The following PRKCZ variants were observed in gnomAD, a reference collection of about 807,000 sequenced individuals.
The protein encoded by PRKCZ is protein kinase C zeta type.
A neutral mutation model predicts 79.5 loss-of-function variants in PRKCZ; 33 were observed. The ratio of observed to expected loss-of-function variants is 0.41; its 90% confidence interval spans 0.31 to 0.55. PRKCZ has a LOEUF of 0.55. PRKCZ is among the 20% of genes least tolerant of loss of function. PRKCZ has a pLI of 0.19. For synonymous variants in PRKCZ, 342 were observed against 320.9 expected (o/e 1.07, Z -0.70); for missense variants, 578 against 813.5 (o/e 0.71, Z 3.52).
chr1:2,054,260 C>T lies in PRKCZ; in HGVS notation c.72-1181C>T, dbSNP rs898319382. 3.3e-5 allele frequency among the ~76,000 whole-genome samples: 5 copies of T among 152,278 alleles called. No individual in the cohort carries two copies. The South Asian group carries it at 8.3e-4, about 25-fold the overall frequency. On this transcript the variant is annotated intron_variant, in intron 1 of 17. Transcript: ENST00000378567. ...TCTTTTTATAGGCCCTGTGCTCTTG[C>T]CCCGCGCTCTTGTGGGTGTCAGAAA...
intron 4 of PRKCZ, among the ~76,000 whole-genome samples, chr1:2,117,930 T>G (rs1671054780): frequency 6.6e-6 from 1 of 152,032 alleles, no homozygotes. Flanking sequence ...TTTTGCTTGA[T>G]TCAGTTTGCT....
In PRKCZ at chr1:2,090,120, T is replaced by C. The variant is rs376839987; in HGVS notation, c.334+30529T>C. Among the ~76,000 whole-genome samples, 29 of 152,310 alleles carry C rather than the reference T, an allele frequency of 1.9e-4. 3 individuals carry two copies. The East Asian group carries it at 5.6e-3, about 29-fold the overall frequency. On this transcript the variant is annotated intron_variant, in intron 4 of 17. Transcript: ENST00000378567. ...GCAGTTGTTTTGGATCTAAGTCTGCTGTAATGACCTCACTCACTTAACTGA... is the reference window on the plus strand; with the variant it reads ...GCAGTTGTTTTGGATCTAAGTCTGCCGTAATGACCTCACTCACTTAACTGA...
Position 2,169,297 on chromosome 1 carries a change from C to T in PRKCZ, c.975-221C>T, listed in dbSNP as rs565410961. 153 of 591,180 alleles carry T rather than the reference C, an allele frequency of 2.6e-4. 2 individuals carry two copies. The highest frequency in any genetic ancestry group is 2.1e-3 in the South Asian group (138 of 65,674). The allele number at this position is 591,180 out of a possible 1,614,324, so 36.6% of individuals were successfully genotyped here. A position where few individuals can be genotyped will look rare whatever the true frequency, so the allele number is the denominator to read the frequency against. ...GGCCAAGAGTGAAGGCCGGCGAGGC[C>T]CCCGCATGACTCCCTCACCTGCACC... On this transcript the variant is annotated intron_variant, in intron 10 of 17. Transcript: ENST00000378567.
rs1010204459 is a variant in PRKCZ at position 2,174,962 on chromosome 1, G to A, written c.1485+129G>A. 11 of 992,772 alleles carry A rather than the reference G, an allele frequency of 1.1e-5. No homozygotes were observed. Among genetic ancestry groups the A allele is most frequent in the African/African-American group, 3.2e-5 (2 of 61,914 alleles). 61.5% of individuals were successfully genotyped at this position (992,772 alleles called of 1,614,324 possible). On this transcript the variant is annotated intron_variant, in intron 15 of 17. Coordinates refer to ENST00000378567, the MANE Select transcript of PRKCZ (RefSeq NM_002744.6). This position sits in a 1 kb window ranked among gnomAD's most constrained non-coding sequence, Gnocchi z 6.2. ...TATCGGGTGTGTGGGTTGATTTTCC[G>A]CTTCAGTATTTGAGCTCTGTGTTCT...
At position 2,050,553 on chromosome 1, in the gene PRKCZ, C is replaced by A; in HGVS notation, c.-78C>A. 2.1e-6 allele frequency: 2 copies of A among 941,644 alleles called. No individual in the cohort carries two copies. The highest frequency in any genetic ancestry group is 5.3e-5 in the South Asian group (1 of 18,926). The allele number at this position is 941,644 out of a possible 1,614,324, so 58.3% of individuals were successfully genotyped here. On this transcript the variant is annotated 5_prime_UTR_variant, in exon 1 of 18. Transcript: ENST00000378567. Reference sequence around the variant, plus strand: ...CGCTGCCTTCCGCGTTCCGCCGCGGCCCCACCTGGAGCCCCCGCCCCGCGC... The same window carrying A: ...CGCTGCCTTCCGCGTTCCGCCGCGGACCCACCTGGAGCCCCCGCCCCGCGC...
intron 4 of PRKCZ, among the ~76,000 whole-genome samples, chr1:2,096,870 A>T (rs1666618103): frequency 6.6e-6 from 1 of 152,178 alleles, no homozygotes; most frequent in African/African-American, 2.4e-5. Context: ...CACCCTGGGG[A>T]GGACTCAGGA....
At chr1:2,053,372 G>T (rs3121827) in intron 1 of PRKCZ, among the ~76,000 whole-genome samples, 106,648 of 152,044 alleles carry the variant, frequency 0.7, 38,613 homozygotes, top group East Asian at 0.89. Flanking sequence ...GCGCTGGGAT[G>T]AAAGGCGTGA....
intron 4 of PRKCZ, among the ~76,000 whole-genome samples, chr1:2,114,437 G>A (rs78395918): frequency 0.23 from 35,284 of 152,080 alleles, 4,700 homozygotes; most frequent in Admixed American, 0.33. Context: ...TTGGAGTTCA[G>A]CTCACAAAAG....
At chr1:2,132,822 G>A (rs1675264761) in intron 4 of PRKCZ, among the ~76,000 whole-genome samples, 1 of 152,208 alleles carries the variant, frequency 6.6e-6, no homozygotes, top group Non-Finnish European at 1.5e-5. Flanking sequence ...TGTATGGTGG[G>A]AAGCGGGGTC....
chr1:2,135,937 G>T (rs369834425), intron 5 of PRKCZ, among the ~76,000 whole-genome samples: 1 of 152,144 alleles, frequency 6.6e-6, no homozygotes, highest in Non-Finnish European at 1.5e-5. Flanking sequence ...GGAAGGGGAG[G>T]TGTCTGGGTG....
At chr1:2,145,989 C>T in intron 6 of PRKCZ, 38 bp from the exon 7 acceptor site, 1 of 1,539,764 alleles carries the variant, frequency 6.5e-7, no homozygotes, top group African/African-American at 1.4e-5. Context: ...CCTGCTCTAG[C>T]ACTTGGTCAT....
chr1:2,049,679 A>C (rs3795277), upstream of PRKCZ: 12,635 of 152,458 alleles, frequency 0.083, 699 homozygotes, highest in East Asian at 0.26. Flanking sequence ...GATCAGGGAA[A>C]ACCGTATTTT....
At chr1:2,130,525 G>T (rs913215824) in intron 4 of PRKCZ, among the ~76,000 whole-genome samples, 1 of 152,176 alleles carries the variant, frequency 6.6e-6, no homozygotes, top group Non-Finnish European at 1.5e-5. Context: ...AACCAATAGG[G>T]TGTGTGTATA....
Position 2,055,416 on chromosome 1 carries a change from G to A in PRKCZ, c.72-25G>A, listed in dbSNP as rs777924677. ...GATTCAAATATGCCCCACGGTAACA[G>A]ATGCCCATGTCCCCTCTGCCCCAGG... On this transcript the variant is annotated intron_variant, in intron 1 of 17. Transcript: ENST00000378567. 9 of 1,577,878 alleles carry A rather than the reference G, an allele frequency of 5.7e-6. 1 individual carries two copies. In the South Asian group the frequency reaches 9.2e-5, roughly 16 times the overall value.
At chr1:2,095,888 CTTT>C (rs1183147433) in intron 4 of PRKCZ, among the ~76,000 whole-genome samples, 1 of 110,140 alleles carries the variant, frequency 9.1e-6, no homozygotes, top group African/African-American at 3.7e-5. Flanking sequence ...CCCTCCCCTC[CTTT>C]CCCCTCCCCT....
At chr1:2,099,656 C>T (rs1405146044) in intron 4 of PRKCZ, among the ~76,000 whole-genome samples, 1 of 152,040 alleles carries the variant, frequency 6.6e-6, no homozygotes, top group Non-Finnish European at 1.5e-5. Context: ...GGTGCCCAGG[C>T]ATTGACAGAG....
chr1:2,162,218 G>T (rs765096119), intron 10 of PRKCZ, among the ~76,000 whole-genome samples: 2 of 152,130 alleles, frequency 1.3e-5, no homozygotes, highest in Non-Finnish European at 2.9e-5. Flanking sequence ...TGCAACCTCC[G>T]CCCCCTGGGT....
chr1:2,129,688 T>C (rs566549240), intron 4 of PRKCZ, among the ~76,000 whole-genome samples: 1 of 152,200 alleles, frequency 6.6e-6, no homozygotes, highest in South Asian at 2.1e-4. Context: ...TTCTTAAAAA[T>C]AGTCTATTAA....
rs954878146 is a variant in PRKCZ at position 2,102,052 on chromosome 1, C to T, written c.335-33210C>T. ...GGCTTTGGAAAAATTGTCCAATTTC[C>T]ATCCCCTGTCTCCTTTCCCCGGTCA... On this transcript the variant is annotated intron_variant, in intron 4 of 17. Transcript: ENST00000378567. 7.9e-5 allele frequency among the ~76,000 whole-genome samples: 12 copies of T among 152,118 alleles called. No homozygotes were observed. In the South Asian group the frequency reaches 1.9e-3, roughly 24 times the overall value.
Sources: allele counts gnomAD v4.1 joint callset (sites outside exome capture counted in the v4.1 genomes callset), GRCh38; gene constraint gnomAD v4.1.1; non-coding constraint Gnocchi (gnomAD v3.1); transcripts MANE v1.5; gene names NCBI Gene and HGNC (gene_info 2026-07-23, HGNC 2026-07-21).